SLC35B4: variants seen among roughly 807,000 people sequenced by gnomAD.
The protein encoded by SLC35B4 is nucleotide sugar transporter SLC35B4.
In SLC35B4, 28 loss-of-function variants were observed where a neutral mutation model predicts 39.5. That is an observed-to-expected ratio of 0.71 (90% CI 0.53 to 0.97). The LOEUF is 0.97. Among genes scored for constraint, SLC35B4 ranks in the 50% least tolerant of loss-of-function variants. SLC35B4 has a pLI of 0.00. For missense variants in SLC35B4, 334 were observed against 414.3 expected, an observed-to-expected ratio of 0.81 and a Z score of 1.68; for synonymous variants, 145 against 150.4, an observed-to-expected ratio of 0.96 and a Z score of 0.26.
In SLC35B4 at chr7:134,291,014, C is replaced by T. The variant is rs1803319600; in HGVS notation, c.*3819G>A. 6.6e-6 allele frequency: 1 copy of T among 152,136 alleles called. No individual in the cohort carries two copies. Among genetic ancestry groups the T allele is most frequent in the South Asian group, 2.1e-4 (1 of 4,830 alleles). 9.4% of individuals were successfully genotyped at this position (152,136 alleles called of 1,614,324 possible). A position where few individuals can be genotyped will look rare whatever the true frequency, so the allele number is the denominator to read the frequency against. On this transcript the variant is annotated 3_prime_UTR_variant, in exon 10 of 10. Transcript: ENST00000378509. ...TTCCTGACCTAAGGTGTTTTACTTC[C>T]CCTCTCCATAGGTATCTGGCACTGT...
chr7:134,296,301 T>G, intron 9 of SLC35B4, 90 bp downstream of exon 9: 1 of 1,159,032 alleles, frequency 8.6e-7, no homozygotes, highest in East Asian at 2.4e-5. Flanking sequence ...CATATTCAAG[T>G]CAACACACTG....
rs890295357 is a variant in SLC35B4, at chr7:134,290,611, T to C, written c.*4222A>G. The C allele has an allele frequency of 6.6e-6, 1 of 152,162 alleles. No homozygotes were observed. The highest frequency in any genetic ancestry group is 1.5e-5 in the Non-Finnish European group (1 of 68,024). The allele number at this position is 152,162 out of a possible 1,614,324, so 9.4% of individuals were successfully genotyped here. A position where few individuals can be genotyped will look rare whatever the true frequency, so the allele number is the denominator to read the frequency against. Reference sequence around the variant, plus strand: ...CCAGCTTGGTACACACTGAACACATTTGAGGCTTATGACTGGTTCTTTTAC... The same window carrying C: ...CCAGCTTGGTACACACTGAACACATCTGAGGCTTATGACTGGTTCTTTTAC... On this transcript the variant is annotated 3_prime_UTR_variant, in exon 10 of 10. Coordinates refer to ENST00000378509, the MANE Select transcript of SLC35B4 (RefSeq NM_032826.5).
rs772953995 is a variant in SLC35B4, at chr7:134,302,063, A to G, written c.392T>C (p.Ile131Thr). The G allele has an allele frequency of 1.2e-6, 2 of 1,614,050 alleles. No individual in the cohort carries two copies. Among genetic ancestry groups the G allele is most frequent in the Non-Finnish European group, 1.7e-6 (2 of 1,179,972 alleles). ...YTSIALVSVG[I>T]FICTFMSAKQ... The stretch of plus-strand genomic sequence containing the variant: ...TGCTGACATAAAAGTGCAAATAAAT[A>G]TCCCCACAGACACCAGGGCAATGGA... Residue 131 changes from isoleucine to threonine, a missense_variant, in exon 5 of 10, where the codon ATA becomes ACA. Coordinates refer to ENST00000378509, the MANE Select transcript of SLC35B4 (RefSeq NM_032826.5).
intron 4 of SLC35B4, among the ~76,000 whole-genome samples, chr7:134,304,586 T>C (rs1803664294): frequency 6.6e-6 from 1 of 152,134 alleles, no homozygotes; most frequent in African/African-American, 2.4e-5. Flanking sequence ...CAAGAGCTAT[T>C]CAGTTCGACA....
intron 1 of SLC35B4, among the ~76,000 whole-genome samples, chr7:134,310,546 CTTTTTTT>C (rs1275292627): frequency 7.1e-6 from 1 of 140,848 alleles, no homozygotes. Context: ...GTGTTTTCAT[CTTTTTTT>C]TTTTTTTTTG....
In SLC35B4 at chr7:134,292,227, T is replaced by C. The variant is rs1337115420; in HGVS notation, c.*2606A>G. On this transcript the variant is annotated 3_prime_UTR_variant, in exon 10 of 10. Coordinates refer to ENST00000378509, the MANE Select transcript of SLC35B4 (RefSeq NM_032826.5). ...AGGTTGAAAAAATGTCCACCCTGGA[T>C]TAAAAAATCAGTTAACCAAGGGGAA... is the stretch of plus-strand genomic sequence containing the variant. 1 of 154,310 alleles carries C rather than the reference T, an allele frequency of 6.5e-6. No individual in the cohort carries two copies. The highest frequency in any genetic ancestry group is 2.4e-5 in the African/African-American group (1 of 41,518). The allele number at this position is 154,310 out of a possible 1,614,324, so 9.6% of individuals were successfully genotyped here. A position where few individuals can be genotyped will look rare whatever the true frequency, so the allele number is the denominator to read the frequency against.
rs557346575 is a variant in SLC35B4, at chr7:134,292,165, G to C, written c.*2668C>G. On this transcript the variant is annotated 3_prime_UTR_variant, in exon 10 of 10. Transcript: ENST00000378509. ...TTCTCTTCCAGTTAAGTAGGAGTCT[G>C]ATCTTCTACAAAATAGTTTATTTGT... is the stretch of plus-strand genomic sequence containing the variant. 1.4e-4 allele frequency: 21 copies of C among 154,850 alleles called. No homozygotes were observed. In the South Asian group the frequency reaches 3.1e-3, roughly 23 times the overall value. 9.6% of individuals were successfully genotyped at this position (154,850 alleles called of 1,614,324 possible).
intron 4 of SLC35B4, among the ~76,000 whole-genome samples, chr7:134,304,116 T>G (rs1036950454): frequency 6.6e-6 from 1 of 152,240 alleles, no homozygotes; most frequent in African/African-American, 2.4e-5. Context: ...ATGTTCCACA[T>G]CTGGGCTCTC....
At chr7:134,295,172 T>C in intron 9 of SLC35B4, 93 bp from the exon 10 acceptor site, 2 of 1,499,928 alleles carry the variant, frequency 1.3e-6, no homozygotes, top group Non-Finnish European at 1.8e-6. Flanking sequence ...TAACTTCTCA[T>C]ATTCTAAGAA....
At chr7:134,314,520 T>TA (rs1803924830) in intron 1 of SLC35B4, among the ~76,000 whole-genome samples, 1 of 152,134 alleles carries the variant, frequency 6.6e-6, no homozygotes, top group African/African-American at 2.4e-5. Flanking sequence ...GGCCCGATGG[T>TA]ATCACTTTTT....
intron 4 of SLC35B4, 37 bp from the exon 5 acceptor site, chr7:134,302,147 G>A (rs1781433066): frequency 6.5e-7 from 1 of 1,529,306 alleles, no homozygotes; most frequent in Non-Finnish European, 9.0e-7. Context: ...AACACCTTAG[G>A]AAAGCACAGA....
Position 134,302,021 on chromosome 7 carries a change from C to A in SLC35B4, c.426+8G>T, listed in dbSNP as rs531584812. The A allele has an allele frequency of 6.2e-7, 1 of 1,612,652 alleles. No homozygotes were observed. Among genetic ancestry groups the A allele is most frequent in the African/African-American group, 1.3e-5 (1 of 74,936 alleles). On this transcript the variant is annotated splice_region_variant and intron_variant, in intron 5 of 9. Transcript: ENST00000378509. ...TAGTGAACATAAAATAATTTGTGAG[C>A]TTCTTACCACCTGCTTTGCTGACAT...
chr7:134,302,172 T>C (rs1803597456), intron 4 of SLC35B4, 62 bp from the exon 5 acceptor site: 2 of 1,375,504 alleles, frequency 1.5e-6, no homozygotes, highest in Admixed American at 1.9e-5. Flanking sequence ...AATTTCCCAG[T>C]GATATTTACA....
chr7:134,299,575 G>A lies in SLC35B4; in HGVS notation c.621C>T (p.Phe207=), dbSNP rs889814260. ...FYNHALPLPG[F]VFLASDIYDH... is the part of the protein sequence containing the mutation. Reference sequence around the variant, plus strand: ...CATAAATATCAGAAGCCAAGAAGACGAAACCCGGAAGTGGAAGGGCGTGCT... The same window carrying A: ...CATAAATATCAGAAGCCAAGAAGACAAAACCCGGAAGTGGAAGGGCGTGCT... Residue 207 remains phenylalanine (F), a synonymous_variant, in exon 8 of 10, where the codon TTC becomes TTT. Coordinates refer to ENST00000378509, the MANE Select transcript of SLC35B4 (RefSeq NM_032826.5). 1.5e-5 allele frequency: 24 copies of A among 1,613,800 alleles called. No individual in the cohort carries two copies. Among genetic ancestry groups the A allele is most frequent in the South Asian group, 5.5e-5 (5 of 91,074 alleles).
At chr7:134,315,969 C>G (rs972717359) in intron 1 of SLC35B4, among the ~76,000 whole-genome samples, 6 of 150,808 alleles carry the variant, frequency 4.0e-5, no homozygotes, top group African/African-American at 1.5e-4. Flanking sequence ...CCTCTCAGGT[C>G]ACTTGGACCA....
At chr7:134,318,239 A>G (rs1804039901), upstream of SLC35B4, among the ~76,000 whole-genome samples, 1 of 152,160 alleles carries the variant, frequency 6.6e-6, no homozygotes, top group Non-Finnish European at 1.5e-5. Flanking sequence ...TTGTATTTTT[A>G]ACAAGCACTC....
At chr7:134,320,001 G>A (rs140035034), upstream of SLC35B4, among the ~76,000 whole-genome samples, 57 of 152,152 alleles carry the variant, frequency 3.7e-4, no homozygotes, top group Non-Finnish European at 6.6e-4. Flanking sequence ...CTGCCTCCAG[G>A]CTGATTCCAA....
At chr7:134,309,821 G>C (rs1477856442) in intron 1 of SLC35B4, among the ~76,000 whole-genome samples, 4 of 152,174 alleles carry the variant, frequency 2.6e-5, no homozygotes, top group African/African-American at 7.2e-5. Context: ...TCACCAGAAA[G>C]GTCTTTAATC....
chr7:134,317,548 T>C (rs748502446), upstream of SLC35B4, among the ~76,000 whole-genome samples: 6 of 152,216 alleles, frequency 3.9e-5, no homozygotes. Flanking sequence ...TCCCTTCCTT[T>C]ACCTCCGTGG....
Sources: gnomAD v4.1 joint callset for allele counts (sites outside exome capture counted in the v4.1 genomes callset) on GRCh38, gnomAD v4.1.1 for gene constraint, MANE v1.5 for transcripts, NCBI Gene and HGNC (gene_info 2026-07-23, HGNC 2026-07-21) for gene names.